The following HERC3 variants were observed in gnomAD, a reference collection of about 807,000 sequenced individuals.
The protein encoded by HERC3 is probable E3 ubiquitin-protein ligase HERC3.
Under a neutral mutation model 129.9 loss-of-function variants are expected in HERC3, and 58 were observed. The observed-to-expected ratio is 0.45, with a 90% confidence interval of 0.36 to 0.56. The LOEUF is 0.56. Ranked by LOEUF, HERC3 falls within the 20% of genes least tolerant of loss-of-function variation. HERC3 has a pLI of 0.00. For missense variants in HERC3, 835 were observed against 1,244.2 expected, an observed-to-expected ratio of 0.67 and a Z score of 4.95; for synonymous variants, 430 against 451.0, an observed-to-expected ratio of 0.95 and a Z score of 0.59.
chr4:88,707,104 C>T lies in HERC3; in HGVS notation c.*144C>T, dbSNP rs1735850164. 1 of 697,162 alleles carries T rather than the reference C, an allele frequency of 1.4e-6. No homozygotes were observed. Among genetic ancestry groups the T allele is most frequent in the East Asian group, 2.7e-5 (1 of 36,784 alleles). The allele number at this position is 697,162 out of a possible 1,614,324, so 43.2% of individuals were successfully genotyped here. On this transcript the variant is annotated 3_prime_UTR_variant, in exon 26 of 26. Coordinates refer to ENST00000402738, the MANE Select transcript of HERC3 (RefSeq NM_014606.3). ...AATACTGAGCCTGGTTGATGTGTTT[C>T]TGGGATTGTATAGCAGTAAACAACC...
upstream of HERC3, among the ~76,000 whole-genome samples, chr4:88,592,090 G>A (rs1423076804): frequency 2.0e-5 from 3 of 152,196 alleles, no homozygotes; most frequent in Non-Finnish European, 4.4e-5. Context: ...CGTGCCCAAG[G>A]CTTTCGGTCA....
In HERC3 at chr4:88,708,059, C is replaced by T. The variant is rs1235416476; in HGVS notation, c.*1099C>T. On this transcript the variant is annotated 3_prime_UTR_variant, in exon 26 of 26. Transcript: ENST00000402738. ...TTATTTAAATTGCAAAATTTTTACT[C>T]AGATTTTTTTTCCTCTTCCCTAATT... 2.0e-5 allele frequency: 3 copies of T among 152,384 alleles called. No individual in the cohort carries two copies. The highest frequency in any genetic ancestry group is 4.4e-5 in the Non-Finnish European group (3 of 68,006). 9.4% of individuals were successfully genotyped at this position (152,384 alleles called of 1,614,324 possible). A position where few individuals can be genotyped will look rare whatever the true frequency, so the allele number is the denominator to read the frequency against.
At chr4:88,615,228 G>A (rs930830738) in intron 3 of HERC3, among the ~76,000 whole-genome samples, 2 of 151,024 alleles carry the variant, frequency 1.3e-5, no homozygotes, top group African/African-American at 2.4e-5. Context: ...TTTCATCTAG[G>A]TTGGTGATCT....
chr4:88,595,118 A>AAAG (rs1722210747), intron 1 of HERC3, among the ~76,000 whole-genome samples: 1 of 151,350 alleles, frequency 6.6e-6, no homozygotes, highest in Non-Finnish European at 1.5e-5. Flanking sequence ...AAAAAAAAAA[A>AAAG]AAAAAGAAAA....
At chr4:88,531,214 T>G in the HERC3 span, among the ~76,000 whole-genome samples, 18 of 151,760 alleles carry the variant, frequency 1.2e-4, no homozygotes, top group Admixed American at 2.6e-4. Flanking sequence ...TTTTTAAAAT[T>G]TTTTAATTTA....
At position 88,597,162 on chromosome 4, in the gene HERC3, C is replaced by T. The variant is rs2149173115; in HGVS notation, c.-30+1548C>T. On this transcript the variant is annotated intron_variant, in intron 2 of 25. Transcript: ENST00000402738. ...TTGGTGCATATGTTCATGAGTTTCT[C>T]ACTGCATTGGACTGTAAGATAGCCA... Among the ~76,000 whole-genome samples the T allele has an allele frequency of 2.0e-5, 3 of 152,268 alleles. No homozygotes were observed. The South Asian group carries it at 6.2e-4, about 32-fold the overall frequency.
intron 23 of HERC3, chr4:88,696,930 C>T (rs1734658649): frequency 2.7e-6 from 1 of 373,210 alleles, no homozygotes; most frequent in Non-Finnish European, 4.7e-6. Context: ...AAACCTCAAT[C>T]CTCAGAGAAG....
intron 3 of HERC3, among the ~76,000 whole-genome samples, chr4:88,617,122 C>T (rs1222544887): frequency 6.9e-6 from 1 of 144,640 alleles, no homozygotes; most frequent in East Asian, 2.0e-4. Context: ...CCTGTAGGCC[C>T]AGCTTCCCAG....
chr4:88,639,240 G>T (rs1220703647), intron 3 of HERC3, among the ~76,000 whole-genome samples: 3 of 151,970 alleles, frequency 2.0e-5, no homozygotes, highest in Admixed American at 2.0e-4. Context: ...AGAAAAAACT[G>T]CTTTAAAATT....
the HERC3 span, among the ~76,000 whole-genome samples, chr4:88,559,816 C>T: frequency 1.3e-5 from 2 of 152,104 alleles, no homozygotes; most frequent in African/African-American, 4.8e-5. Context: ...AGAAGGATTG[C>T]TGGGCCATAC....
intron 23 of HERC3, among the ~76,000 whole-genome samples, chr4:88,694,211 A>G (rs886133336): frequency 1.3e-5 from 2 of 152,198 alleles, no homozygotes; most frequent in African/African-American, 4.8e-5. Context: ...GTTCAGGAAC[A>G]CGCAGCATTA....
intron 3 of HERC3, among the ~76,000 whole-genome samples, chr4:88,623,135 T>G (rs1423626999): frequency 6.6e-6 from 1 of 152,228 alleles, no homozygotes; most frequent in African/African-American, 2.4e-5. Flanking sequence ...TGATGAAACT[T>G]AACATCAGAT....
At chr4:88,648,358 C>T (rs1156964618) in intron 3 of HERC3, among the ~76,000 whole-genome samples, 1 of 152,168 alleles carries the variant, frequency 6.6e-6, no homozygotes, top group African/African-American at 2.4e-5. Context: ...CTTCCAGTAG[C>T]TTTCTGAGAA....
intron 3 of HERC3, among the ~76,000 whole-genome samples, chr4:88,639,391 G>T (rs1373693699): frequency 1.3e-5 from 2 of 152,014 alleles, no homozygotes; most frequent in East Asian, 3.9e-4. Context: ...TACCAAAACA[G>T]ACTTATAGAC....
At chr4:88,703,971 G>A (rs1578358084) in intron 23 of HERC3, 127 bp from the exon 24 acceptor site, 1 of 825,294 alleles carries the variant, frequency 1.2e-6, no homozygotes, top group African/African-American at 1.7e-5. Context: ...GATGCCTTAG[G>A]ATGCCTCCTG....
At chr4:88,607,094 G>GT (rs1723738091) in intron 3 of HERC3, among the ~76,000 whole-genome samples, 1 of 152,098 alleles carries the variant, frequency 6.6e-6, no homozygotes, top group African/African-American at 2.4e-5. Flanking sequence ...GCAAGTCTGT[G>GT]TTATGTAAGT....
chr4:88,525,441 C>G, the HERC3 span, among the ~76,000 whole-genome samples: 1 of 152,222 alleles, frequency 6.6e-6, no homozygotes, highest in Non-Finnish European at 1.5e-5. Flanking sequence ...TTGACTTCTG[C>G]AAGCGCTGAG....
chr4:88,677,145 A>G (rs1343677798), intron 18 of HERC3, among the ~76,000 whole-genome samples: 2 of 152,136 alleles, frequency 1.3e-5, no homozygotes, highest in Non-Finnish European at 2.9e-5. Flanking sequence ...AAAAAAAAAA[A>G]GAAATGTAGA....
chr4:88,644,928 T>C (rs938890074), intron 3 of HERC3, among the ~76,000 whole-genome samples: 4 of 152,048 alleles, frequency 2.6e-5, no homozygotes, highest in African/African-American at 7.2e-5. Flanking sequence ...ACCTTTCAGA[T>C]ACAGGAACAA....
Sources: allele counts gnomAD v4.1 joint callset (sites outside exome capture counted in the v4.1 genomes callset), GRCh38; gene constraint gnomAD v4.1.1; transcripts MANE v1.5; gene names NCBI Gene and HGNC (gene_info 2026-07-23, HGNC 2026-07-21).